AFTPH: variants seen among roughly 807,000 people sequenced by gnomAD.
The protein encoded by AFTPH is aftiphilin protein.
Under a neutral mutation model 72.5 loss-of-function variants are expected in AFTPH, and 7 were observed. That is an observed-to-expected ratio of 0.10 (90% confidence interval 0.05 to 0.18). The LOEUF (loss-of-function observed/expected upper bound fraction) is 0.18, where lower values mean the gene tolerates loss of function less well. AFTPH is among the 10% of genes least tolerant of loss of function. AFTPH has a pLI of 1.00. For synonymous variants in AFTPH, 337 were observed against 370.1 expected, an observed-to-expected ratio of 0.91 and a Z score of 1.03; for missense variants, 979 against 1,060.5, an observed-to-expected ratio of 0.92 and a Z score of 1.07.
chr2:64,568,933 A>G lies in AFTPH; in HGVS notation c.2088-159A>G, dbSNP rs538510236. ...AGCCTTAGTTATTTTTCTAGTGACT[A>G]TAAGTATTGGCTCTTGATTTCATTC... is the stretch of plus-strand genomic sequence containing the variant. On this transcript the variant is annotated intron_variant, in intron 3 of 8. Transcript: ENST00000238856. Among the ~76,000 whole-genome samples, 19 of 152,324 alleles carry G rather than the reference A, an allele frequency of 1.2e-4. No individual in the cohort carries two copies. The South Asian group carries it at 3.7e-3, about 30-fold the overall frequency.
At chr2:64,552,429 A>G (rs1671105788) in exon 2 of AFTPH, 7 of 1,614,128 alleles carry the variant, frequency 4.3e-6, no homozygotes, top group South Asian at 1.1e-5. Context: ...AGGCCTTCCA[A>G]CACTGCAACA....
At chr2:64,543,005 C>T (rs1422346877) in intron 1 of AFTPH, among the ~76,000 whole-genome samples, 1 of 152,206 alleles carries the variant, frequency 6.6e-6, no homozygotes, top group African/African-American at 2.4e-5. Flanking sequence ...CCAGTTTATA[C>T]TTCCACCAGT....
At chr2:64,568,651 G>A (rs192845506) in intron 3 of AFTPH, among the ~76,000 whole-genome samples, 12 of 152,214 alleles carry the variant, frequency 7.9e-5, no homozygotes, top group Admixed American at 2.0e-4. Flanking sequence ...AGACAGTCTC[G>A]CTCTGTTGCC....
chr2:64,525,170 T>C (rs1440503857), intron 1 of AFTPH, among the ~76,000 whole-genome samples: 1 of 152,134 alleles, frequency 6.6e-6, no homozygotes, highest in Non-Finnish European at 1.5e-5. Flanking sequence ...TTCCTCAGAG[T>C]ACCTTTTCTG....
chr2:64,566,749 C>G (rs1672113567), intron 2 of AFTPH, among the ~76,000 whole-genome samples: 1 of 148,508 alleles, frequency 6.7e-6, no homozygotes, highest in African/African-American at 2.5e-5. Context: ...CTAAATCCAG[C>G]AAGTTTTAGT....
At chr2:64,551,663 C>A (rs773338061) in exon 2 of AFTPH, 3 of 1,613,918 alleles carry the variant, frequency 1.9e-6, no homozygotes, top group Non-Finnish European at 1.7e-6. Flanking sequence ...TACCTTCAAA[C>A]CATTTTATGC....
chr2:64,550,837 C>T (rs1671002677), intron 1 of AFTPH, among the ~76,000 whole-genome samples: 1 of 151,976 alleles, frequency 6.6e-6, no homozygotes, highest in African/African-American at 2.4e-5. Context: ...TACTATATTA[C>T]CATTGGGAGA....
rs757073333 is a variant in AFTPH, at chr2:64,567,585, G to A, written c.1959G>A (p.Glu653=). 9 of 1,612,018 alleles carry A rather than the reference G, an allele frequency of 5.6e-6. No homozygotes were observed. The African/African-American group carries it at 1.2e-4, about 22-fold the overall frequency. Residue 653 remains glutamate, a synonymous_variant, in exon 3 of 9, where the codon GAG becomes GAA. Coordinates refer to ENST00000238856, the Ensembl canonical transcript of AFTPH. ...AGACAGCTTTATTAAACCGCCTGGAGCGAATTTTCGAAGCATGTTTTCCTT... is the reference window on the plus strand; with the variant it reads ...AGACAGCTTTATTAAACCGCCTGGAACGAATTTTCGAAGCATGTTTTCCTT...
chr2:64,560,283 A>C (rs1671641884), intron 2 of AFTPH, among the ~76,000 whole-genome samples: 1 of 152,138 alleles, frequency 6.6e-6, no homozygotes, highest in African/African-American at 2.4e-5. Context: ...ACTAGGAATG[A>C]GTAAAAGTTG....
intron 2 of AFTPH, among the ~76,000 whole-genome samples, chr2:64,556,160 G>A (rs1671358995): frequency 6.6e-6 from 1 of 151,968 alleles, no homozygotes; most frequent in South Asian, 2.1e-4. Context: ...GCTAATTTTT[G>A]TACTTTTATT....
intron 1 of AFTPH, among the ~76,000 whole-genome samples, chr2:64,537,006 C>G (rs1669935932): frequency 2.0e-5 from 3 of 147,502 alleles, no homozygotes. Flanking sequence ...TTCAGAAATG[C>G]TTTTTCACTT....
At chr2:64,567,503 T>C in intron 2 of AFTPH, 59 bp from the exon 3 acceptor site, 1 of 1,541,990 alleles carries the variant, frequency 6.5e-7, no homozygotes, top group Non-Finnish European at 8.8e-7. Flanking sequence ...TTTAATGCTA[T>C]AACTATGATA....
chr2:64,575,849 C>T (rs949933694), intron 6 of AFTPH, among the ~76,000 whole-genome samples: 1 of 151,514 alleles, frequency 6.6e-6, no homozygotes, highest in African/African-American at 2.4e-5. Context: ...AGTGATTCTC[C>T]TGCCTCAGCC....
intron 2 of AFTPH, among the ~76,000 whole-genome samples, 194 bp from the exon 3 acceptor site, chr2:64,567,368 A>G (rs975164195): frequency 1.3e-5 from 2 of 152,228 alleles, no homozygotes; most frequent in African/African-American, 4.8e-5. Flanking sequence ...GTAGCTCATC[A>G]TCATCATTTA....
chr2:64,553,473 CT>C (rs1671172732), intron 2 of AFTPH, 64 bp downstream of exon 2: 6 of 1,474,446 alleles, frequency 4.1e-6, no homozygotes, highest in Admixed American at 2.5e-5. Context: ...CTAATTTCAG[CT>C]TTTCAAAAAA....
intron 1 of AFTPH, among the ~76,000 whole-genome samples, chr2:64,545,451 C>T (rs571535496): frequency 1.8e-4 from 27 of 150,024 alleles, no homozygotes; most frequent in Admixed American, 1.7e-3. Flanking sequence ...TATGTATGTA[C>T]ACACACACTA....
intron 1 of AFTPH, among the ~76,000 whole-genome samples, chr2:64,536,798 T>A (rs1409760927): frequency 6.6e-6 from 1 of 151,102 alleles, no homozygotes; most frequent in African/African-American, 2.4e-5. Context: ...ACAAAAAATT[T>A]AAAAATTAGC....
chr2:64,561,064 G>C (rs867553806), intron 2 of AFTPH, among the ~76,000 whole-genome samples: 6 of 152,214 alleles, frequency 3.9e-5, no homozygotes, highest in African/African-American at 1.4e-4. Flanking sequence ...GTATACTTCT[G>C]TGTAAGTAGC....
chr2:64,546,456 T>A (rs1399104125), intron 1 of AFTPH, among the ~76,000 whole-genome samples: 2 of 152,138 alleles, frequency 1.3e-5, no homozygotes, highest in Non-Finnish European at 2.9e-5. Context: ...AGGAATTTAA[T>A]TAAGGACTCC....
Sources: gnomAD v4.1 joint callset for allele counts (sites outside exome capture counted in the v4.1 genomes callset) on GRCh38, gnomAD v4.1.1 for gene constraint, MANE v1.5 for transcripts, NCBI Gene and HGNC (gene_info 2026-07-23, HGNC 2026-07-21) for gene names.